PROM1: variants seen among roughly 807,000 people sequenced by gnomAD.
The protein encoded by PROM1 is prominin-1.
In PROM1, 105 loss-of-function variants were observed where a neutral mutation model predicts 116.9. That is an observed-to-expected ratio of 0.90 (90% CI 0.77 to 1.06). The LOEUF (loss-of-function observed/expected upper bound fraction) is 1.06, where lower values mean the gene tolerates loss of function less well. PROM1 is among the 50% of genes least tolerant of loss of function. The pLI is 0.00. For synonymous variants in PROM1, 393 were observed against 387.0 expected (o/e 1.02, Z -0.18); for missense variants, 1,122 against 1,045.2 (o/e 1.07, Z -1.01).
At chr4:16,027,490 C>G (rs924453718) in intron 5 of PROM1, among the ~76,000 whole-genome samples, 1 of 152,138 alleles carries the variant, frequency 6.6e-6, no homozygotes, top group Non-Finnish European at 1.5e-5. Context: ...TCGTCAGATT[C>G]CAGATACAAG....
At chr4:15,985,319 A>T (rs999658919) in intron 22 of PROM1, among the ~76,000 whole-genome samples, 7 of 152,202 alleles carry the variant, frequency 4.6e-5, no homozygotes, top group Non-Finnish European at 7.3e-5. Flanking sequence ...TGGAACGAAT[A>T]ACCCATGGAT....
intron 2 of PROM1, chr4:16,055,272 CG>C (rs1361872294): frequency 5.1e-6 from 2 of 392,420 alleles, no homozygotes; most frequent in African/African-American, 2.1e-5. Flanking sequence ...TGGTGGCTTA[CG>C]TCTACAGTTC....
intron 2 of PROM1, among the ~76,000 whole-genome samples, chr4:16,065,154 A>G (rs934744993): frequency 6.6e-6 from 1 of 152,084 alleles, no homozygotes; most frequent in African/African-American, 2.4e-5. Context: ...GTGATGCTCA[A>G]TCTCCACTGT....
At chr4:16,016,619 A>G (rs1336557811) in intron 9 of PROM1, among the ~76,000 whole-genome samples, 1 of 152,200 alleles carries the variant, frequency 6.6e-6, no homozygotes, top group Non-Finnish European at 1.5e-5. Flanking sequence ...GTAATCTGGA[A>G]TCGTTTTTCC....
Position 16,050,796 on chromosome 4 carries a change from T to C in PROM1, c.221-11795A>G, listed in dbSNP as rs369890626. Among the ~76,000 whole-genome samples, 179 of 152,358 alleles carry C rather than the reference T, an allele frequency of 1.2e-3. 3 individuals carry two copies. The South Asian group carries it at 0.036, about 30-fold the overall frequency. The stretch of plus-strand genomic sequence containing the variant: ...AAATCCATGCATAGTTTTTTCCATA[T>C]ACACATTTTCCATGAACGTTTTGAA... On this transcript the variant is annotated intron_variant, in intron 2 of 27. Coordinates refer to ENST00000447510, the MANE Select transcript of PROM1 (RefSeq NM_006017.3).
At chr4:16,026,324 G>A (rs151250554) in intron 5 of PROM1, among the ~76,000 whole-genome samples, 2 of 152,150 alleles carry the variant, frequency 1.3e-5, no homozygotes, top group Admixed American at 6.5e-5. Flanking sequence ...ATTAGAAGGT[G>A]CTAATTGCCA....
chr4:16,023,006 T>C (rs111968787), intron 8 of PROM1, among the ~76,000 whole-genome samples: 12 of 152,336 alleles, frequency 7.9e-5, no homozygotes, highest in East Asian at 1.9e-4. Context: ...TCTGCCATCA[T>C]AGCACGAAAA....
intron 2 of PROM1, among the ~76,000 whole-genome samples, chr4:16,069,131 A>G (rs74564377): frequency 0.016 from 2,451 of 152,210 alleles, 30 homozygotes; most frequent in African/African-American, 0.032. Context: ...GCTACGCGGG[A>G]GGCTGAGGCA....
rs759240434 is a variant in PROM1 at position 16,018,572 on chromosome 4, A to G, written c.785-32T>C. On this transcript the variant is annotated intron_variant, in intron 8 of 27. Coordinates refer to ENST00000447510, the MANE Select transcript of PROM1 (RefSeq NM_006017.3). ...AAACACAGCCCGCTTCAGAACACAC[A>G]TGCCAAGTCCCTCCTCATCTACAAA... The G allele has an allele frequency of 1.9e-6, 3 of 1,558,862 alleles. No individual in the cohort carries two copies. In the Admixed American group the frequency reaches 5.6e-5, roughly 29 times the overall value.
intron 5 of PROM1, among the ~76,000 whole-genome samples, chr4:16,028,217 G>A (rs368760816): frequency 1.7e-4 from 26 of 152,266 alleles, no homozygotes; most frequent in Middle Eastern, 3.4e-3. Flanking sequence ...GATTTTCAAA[G>A]CTGATTTTCA....
At chr4:15,999,364 G>A (rs545117978) in intron 14 of PROM1, among the ~76,000 whole-genome samples, 16 of 151,844 alleles carry the variant, frequency 1.1e-4, no homozygotes, top group Non-Finnish European at 7.4e-5. Flanking sequence ...CCAGCTACTC[G>A]GGAGGCTGAG....
intron 2 of PROM1, among the ~76,000 whole-genome samples, chr4:16,044,078 G>A (rs1401342113): frequency 9.9e-5 from 15 of 152,200 alleles, no homozygotes; most frequent in Admixed American, 9.8e-4. Context: ...GCGTATGTGT[G>A]CGATTTATGA....
chr4:16,051,439 T>C (rs1048482213), intron 2 of PROM1, among the ~76,000 whole-genome samples: 1 of 152,204 alleles, frequency 6.6e-6, no homozygotes, highest in Non-Finnish European at 1.5e-5. Context: ...CTGGGAAACA[T>C]TAACAAATGA....
intron 2 of PROM1, among the ~76,000 whole-genome samples, chr4:16,041,230 T>C (rs1240818425): frequency 2.6e-5 from 4 of 152,258 alleles, no homozygotes; most frequent in African/African-American, 9.6e-5. Context: ...ATTATATTCT[T>C]TGCCATCAGG....
chr4:16,076,685 T>C (rs1266561516), intron 1 of PROM1: 1 of 154,386 alleles, frequency 6.5e-6, no homozygotes, highest in African/African-American at 2.4e-5. Flanking sequence ...GAGATCAGAT[T>C]GTTACTGTGT....
At chr4:16,041,769 A>ATAT (rs1735305259) in intron 2 of PROM1, among the ~76,000 whole-genome samples, 1 of 40,138 alleles carries the variant, frequency 2.5e-5, no homozygotes, top group African/African-American at 8.2e-5. Flanking sequence ...TAAATAAATA[A>ATAT]ATAAATAAAT....
intron 2 of PROM1, among the ~76,000 whole-genome samples, chr4:16,040,127 A>T (rs116498061): frequency 6.6e-6 from 1 of 152,326 alleles, no homozygotes; most frequent in East Asian, 1.9e-4. Context: ...ACGAAACACT[A>T]CATCAACTCC....
intron 2 of PROM1, among the ~76,000 whole-genome samples, chr4:16,068,945 C>T (rs1011451616): frequency 3.0e-4 from 46 of 152,264 alleles, no homozygotes; most frequent in African/African-American, 1.0e-3. Flanking sequence ...AATTTAAAAA[C>T]ATACCAATGC....
At chr4:16,049,404 G>A (rs1737330598) in intron 2 of PROM1, among the ~76,000 whole-genome samples, 1 of 152,106 alleles carries the variant, frequency 6.6e-6, no homozygotes, top group Non-Finnish European at 1.5e-5. Context: ...AGTTGTGAAG[G>A]GGAAATGATT....
Sources: allele counts gnomAD v4.1 joint callset (sites outside exome capture counted in the v4.1 genomes callset), GRCh38; gene constraint gnomAD v4.1.1; transcripts MANE v1.5; gene names NCBI Gene and HGNC (gene_info 2026-07-23, HGNC 2026-07-21).